PDE8A: variants seen among roughly 807,000 people sequenced by gnomAD.
The protein encoded by PDE8A is phosphodiesterase 8A.
In PDE8A, 59 loss-of-function variants were observed where a neutral mutation model predicts 105.0. The observed-to-expected ratio is 0.56, with a 90% confidence interval of 0.46 to 0.70. The LOEUF is 0.70. PDE8A is among the 30% of genes least tolerant of loss of function. The pLI is 0.00. For synonymous variants in PDE8A, 355 were observed against 371.9 expected (o/e 0.95, Z 0.52); for missense variants, 1,014 against 1,045.9 (o/e 0.97, Z 0.42).
At chr15:84,990,550 C>T (rs1007088669) in intron 1 of PDE8A, among the ~76,000 whole-genome samples, 1 of 152,160 alleles carries the variant, frequency 6.6e-6, no homozygotes, top group African/African-American at 2.4e-5. Flanking sequence ...CTATGCTGCA[C>T]GAGTCAGTAG....
At chr15:85,061,807 C>T (rs890625032) in intron 1 of PDE8A, among the ~76,000 whole-genome samples, 2 of 151,992 alleles carry the variant, frequency 1.3e-5, no homozygotes, top group Non-Finnish European at 2.9e-5. Context: ...TTTCTCTTTC[C>T]CAGACTCGAT....
At chr15:84,993,718 TAA>T (rs201067737) in intron 1 of PDE8A, among the ~76,000 whole-genome samples, 2 of 147,178 alleles carry the variant, frequency 1.4e-5, no homozygotes, top group African/African-American at 2.5e-5. Flanking sequence ...CCATTCTCTA[TAA>T]AAAAAAATAA....
chr15:85,056,489 T>C (rs1427315052), intron 1 of PDE8A, among the ~76,000 whole-genome samples: 1 of 152,218 alleles, frequency 6.6e-6, no homozygotes. Context: ...CCCACATTTC[T>C]TGGAGGCTTT....
At chr15:85,026,787 A>G (rs2080524828) in intron 1 of PDE8A, among the ~76,000 whole-genome samples, 1 of 152,170 alleles carries the variant, frequency 6.6e-6, no homozygotes, top group Admixed American at 6.5e-5. Context: ...AAAACAAAAC[A>G]AAAAAACTAA....
intron 3 of PDE8A, among the ~76,000 whole-genome samples, chr15:85,074,870 CT>C (rs1284379368): frequency 6.6e-6 from 1 of 152,182 alleles, no homozygotes; most frequent in Non-Finnish European, 1.5e-5. Context: ...CTGTGCCATC[CT>C]AGACACATTC....
At chr15:85,027,842 C>G (rs2080544347) in intron 1 of PDE8A, among the ~76,000 whole-genome samples, 1 of 152,190 alleles carries the variant, frequency 6.6e-6, no homozygotes, top group Middle Eastern at 3.4e-3. Context: ...TCCTTCCTGT[C>G]ATTTTTCTGA....
intron 1 of PDE8A, among the ~76,000 whole-genome samples, chr15:85,013,122 TG>T (rs1397640932): frequency 1.3e-5 from 2 of 152,228 alleles, no homozygotes; most frequent in African/African-American, 4.8e-5. Context: ...ACCCTGCATT[TG>T]TTGGTGAGAA....
chr15:85,062,801 T>G (rs1448130959), intron 1 of PDE8A: 1 of 152,230 alleles, frequency 6.6e-6, no homozygotes, highest in African/African-American at 2.4e-5. Context: ...CTAAAATAGT[T>G]GCATCAGACA....
At chr15:85,019,276 A>T (rs1032616879) in intron 1 of PDE8A, among the ~76,000 whole-genome samples, 38 of 152,240 alleles carry the variant, frequency 2.5e-4, no homozygotes, top group African/African-American at 9.2e-4. Context: ...AAAAATCTGC[A>T]TACACACATA....
At chr15:85,040,852 C>T (rs541586808) in intron 1 of PDE8A, among the ~76,000 whole-genome samples, 33 of 152,186 alleles carry the variant, frequency 2.2e-4, no homozygotes, top group Non-Finnish European at 4.1e-4. Context: ...AACCACCACA[C>T]CCGGCCTTGC....
At chr15:85,047,716 G>T (rs1001746982) in intron 1 of PDE8A, among the ~76,000 whole-genome samples, 7 of 152,102 alleles carry the variant, frequency 4.6e-5, no homozygotes, top group Non-Finnish European at 1.0e-4. Flanking sequence ...TCCTTTGTCT[G>T]TACAAATCAA....
At chr15:85,058,060 C>T (rs1486264307) in intron 1 of PDE8A, among the ~76,000 whole-genome samples, 1 of 151,788 alleles carries the variant, frequency 6.6e-6, no homozygotes, top group African/African-American at 2.4e-5. Flanking sequence ...CACTTTGTTA[C>T]CTAGGCTGGA....
intron 5 of PDE8A, among the ~76,000 whole-genome samples, chr15:85,080,309 T>G (rs924518994): frequency 2.0e-5 from 3 of 152,186 alleles, no homozygotes; most frequent in African/African-American, 7.2e-5. Context: ...CCTGTTAAAT[T>G]GTATGAGAAC....
chr15:85,030,610 C>T (rs987571835), intron 1 of PDE8A, among the ~76,000 whole-genome samples: 3 of 152,192 alleles, frequency 2.0e-5, no homozygotes, highest in African/African-American at 7.2e-5. Context: ...ACCCTGACCC[C>T]TCTGCAGCCT....
intron 1 of PDE8A, among the ~76,000 whole-genome samples, chr15:85,003,604 A>G (rs1457044136): frequency 6.6e-6 from 1 of 152,216 alleles, no homozygotes; most frequent in Non-Finnish European, 1.5e-5. Flanking sequence ...CTACTTTTAT[A>G]TGTAATGATA....
chr15:85,002,057 GCCT>G (rs2080075953), intron 1 of PDE8A, among the ~76,000 whole-genome samples: 1 of 151,846 alleles, frequency 6.6e-6, no homozygotes, highest in African/African-American at 2.4e-5. Context: ...TCCTGCATTG[GCCT>G]CCTAAAAAAC....
At chr15:85,082,982 T>C (rs1271032244) in intron 5 of PDE8A, among the ~76,000 whole-genome samples, 1 of 152,256 alleles carries the variant, frequency 6.6e-6, no homozygotes, top group Non-Finnish European at 1.5e-5. Context: ...AATCCATCCA[T>C]GGCTTCTGCC....
chr15:85,038,279 G>C (rs548140944), intron 1 of PDE8A, among the ~76,000 whole-genome samples: 6 of 151,284 alleles, frequency 4.0e-5, no homozygotes, highest in African/African-American at 1.5e-4. Context: ...GGCATTCTTC[G>C]TATATTGTGG....
At chr15:85,117,860 C>T (rs1262121298) in intron 17 of PDE8A, 21 bp downstream of exon 17, 3 of 1,576,674 alleles carry the variant, frequency 1.9e-6, no homozygotes, top group Admixed American at 1.7e-5. Context: ...GTTTACCTGC[C>T]ACATTTAATG....
Sources: allele counts gnomAD v4.1 joint callset (sites outside exome capture counted in the v4.1 genomes callset), GRCh38; gene constraint gnomAD v4.1.1; transcripts MANE v1.5; gene names NCBI Gene and HGNC (gene_info 2026-07-23, HGNC 2026-07-21).